Variants in WDR86 observed in about 807,000 individuals in gnomAD.
WDR86 encodes WD repeat-containing protein 86.
WDR86 carries 30 observed loss-of-function variants against 36.5 expected under a neutral mutation model. The observed-to-expected ratio is 0.82, with a 90% confidence interval of 0.61 to 1.11. WDR86 has a LOEUF of 1.11. Ranked by LOEUF, WDR86 falls within the 50% of genes most tolerant of loss-of-function variation. WDR86 has a pLI of 0.00. For synonymous variants in WDR86, 255 were observed against 252.9 expected (o/e 1.01, Z -0.08); for missense variants, 545 against 561.2 (o/e 0.97, Z 0.29).
chr7:151,393,069 G>T (rs1211888241), intron 3 of WDR86, among the ~76,000 whole-genome samples: 2 of 152,220 alleles, frequency 1.3e-5, no homozygotes, highest in African/African-American at 4.8e-5. Flanking sequence ...CAAAGGGAAA[G>T]AAAACAAAGG....
chr7:151,391,147 C>T (rs1333151978), intron 3 of WDR86, among the ~76,000 whole-genome samples: 8 of 152,200 alleles, frequency 5.3e-5, no homozygotes, highest in East Asian at 1.9e-4. Context: ...AAGGCTGTGG[C>T]GGCGATGGCC....
In WDR86 at chr7:151,381,909, C is replaced by T. The variant is rs748841593; in HGVS notation, c.935G>A (p.Arg312Gln). 26 of 1,610,364 alleles carry T rather than the reference C, an allele frequency of 1.6e-5. No individual in the cohort carries two copies. The highest frequency in any genetic ancestry group is 2.2e-5 in the East Asian group (1 of 44,678). The change falls in exon 5 of 6, where the codon CGG (arginine) becomes CAG (glutamine). Residue 312 changes from arginine to glutamine, a missense_variant. Arg to Gln is a conservative substitution (Grantham distance 43, BLOSUM62 1). Transcript: ENST00000334493. The surrounding 1 kb of genome is among the most constrained non-coding windows in gnomAD (Gnocchi z 4.8). Reference protein sequence around the residue: ...AQSGELRRVFRGHTFIINCIQ... With the variant: ...AQSGELRRVFQGHTFIINCIQ... ...GCAGTTGATGATGAATGTGTGGCCC[C>T]GGAACACCCTCCGCAGCTCTCCAGA...
chr7:151,398,260 T>C (rs1056468245), intron 2 of WDR86, among the ~76,000 whole-genome samples: 4 of 150,220 alleles, frequency 2.7e-5, no homozygotes, highest in African/African-American at 1.0e-4. Context: ...TGTGCATATG[T>C]GTGTGTAAGT....
At chr7:151,407,165 C>T (rs1250442205) in intron 1 of WDR86, among the ~76,000 whole-genome samples, 3 of 152,222 alleles carry the variant, frequency 2.0e-5, no homozygotes, top group African/African-American at 7.2e-5. Context: ...TCTTTCATTC[C>T]AGTGTCCTGC....
Position 151,400,905 on chromosome 7 carries a change from G to A in WDR86, c.164-664C>T, listed in dbSNP as rs946966884. On this transcript the variant is annotated intron_variant, in intron 1 of 5. Coordinates refer to ENST00000334493, the MANE Select transcript of WDR86 (RefSeq NM_198285.3). ...AGGGACTTTCCCCTGTAGAGAGCAC[G>A]TGCACTTTGATTTTTACCGGTCCTC... is the stretch of plus-strand genomic sequence containing the variant. 8.5e-5 allele frequency among the ~76,000 whole-genome samples: 13 copies of A among 152,202 alleles called. 1 individual carries two copies. Among genetic ancestry groups the A allele is most frequent in the Middle Eastern group, 3.2e-3 (1 of 316 alleles).
the WDR86 span, chr7:151,369,099 C>T: frequency 1.7e-5 from 7 of 412,686 alleles, no homozygotes; most frequent in African/African-American, 1.4e-4. Flanking sequence ...GCTCCGCCTC[C>T]CGGGTTCAAG....
intron 3 of WDR86, among the ~76,000 whole-genome samples, chr7:151,395,508 C>T (rs1043462617): frequency 5.9e-5 from 3 of 51,104 alleles, no homozygotes; most frequent in Admixed American, 2.4e-4. Context: ...CACACACACA[C>T]ACACACACAC....
chr7:151,400,277 G>A (rs750465497), intron 1 of WDR86, 36 bp from the exon 2 acceptor site: 11 of 1,515,742 alleles, frequency 7.3e-6, no homozygotes, highest in South Asian at 6.6e-5. Context: ...TGAGCGTACT[G>A]GGGATGCCAG....
At position 151,388,777 on chromosome 7, in the gene WDR86, T is replaced by C. The variant is rs1274959649; in HGVS notation, c.727-3554A>G. Among the ~76,000 whole-genome samples, 1 of 152,218 alleles carries C rather than the reference T, an allele frequency of 6.6e-6. No homozygotes were observed. Among genetic ancestry groups the C allele is most frequent in the African/African-American group, 2.4e-5 (1 of 41,466 alleles). On this transcript the variant is annotated intron_variant, in intron 3 of 5. Coordinates refer to ENST00000334493, the MANE Select transcript of WDR86 (RefSeq NM_198285.3). This position sits in a 1 kb window ranked among gnomAD's most constrained non-coding sequence, Gnocchi z 4.2. Reference sequence around the variant, plus strand: ...CTTTGTGGCCACCTGGTCCCCAGGCTGACGGTCGGAGGCGGGGTATATGAA... The same window carrying C: ...CTTTGTGGCCACCTGGTCCCCAGGCCGACGGTCGGAGGCGGGGTATATGAA...
At chr7:151,397,477 G>T (rs570532787) in intron 2 of WDR86, among the ~76,000 whole-genome samples, 1 of 152,222 alleles carries the variant, frequency 6.6e-6, no homozygotes, top group African/African-American at 2.4e-5. Context: ...AGGCTGGAGC[G>T]CAGTGGCACG....
chr7:151,381,391 A>C lies in WDR86; in HGVS notation c.*191T>G. 1.4e-6 allele frequency: 2 copies of C among 1,466,562 alleles called. No individual in the cohort carries two copies. The highest frequency in any genetic ancestry group is 1.8e-6 in the Non-Finnish European group (2 of 1,118,648). 90.8% of individuals were successfully genotyped at this position (1,466,562 alleles called of 1,614,324 possible). On this transcript the variant is annotated 3_prime_UTR_variant, in exon 6 of 6. Coordinates refer to ENST00000334493, the MANE Select transcript of WDR86 (RefSeq NM_198285.3). The surrounding 1 kb of genome is among the most constrained non-coding windows in gnomAD (Gnocchi z 4.8). The stretch of plus-strand genomic sequence containing the variant: ...GGAAAAGGGGGCGGTCCCCAGGGCG[A>C]GCACTCCCGCTCCCAGCGCCTCCTG...
chr7:151,381,292 G>A lies in WDR86; in HGVS notation c.*290C>T. 7.6e-7 allele frequency: 1 copy of A among 1,315,910 alleles called. No individual in the cohort carries two copies. Among genetic ancestry groups the A allele is most frequent in the Non-Finnish European group, 9.6e-7 (1 of 1,036,926 alleles). 81.5% of individuals were successfully genotyped at this position (1,315,910 alleles called of 1,614,324 possible). A position where few individuals can be genotyped will look rare whatever the true frequency, so the allele number is the denominator to read the frequency against. On this transcript the variant is annotated 3_prime_UTR_variant, in exon 6 of 6. Transcript: ENST00000334493. The surrounding 1 kb of genome is among the most constrained non-coding windows in gnomAD (Gnocchi z 4.8). Reference sequence around the variant, plus strand: ...GGGGCAGTCCGCCTGCAGCCCCTGAGGTGGGAGGGTCCCCAGGACTAGGCC... The same window carrying A: ...GGGGCAGTCCGCCTGCAGCCCCTGAAGTGGGAGGGTCCCCAGGACTAGGCC...
chr7:151,379,752 T>A (rs1355219462), downstream of WDR86, among the ~76,000 whole-genome samples: 10 of 152,180 alleles, frequency 6.6e-5, no homozygotes, highest in Admixed American at 6.5e-4. Flanking sequence ...GATGGCTTGA[T>A]GCATGCTCCA....
rs186120957 is a variant in WDR86, at chr7:151,388,219, G to C, written c.727-2996C>G. ...TCTCTGGCTGGATTTGAAATGCTTC[G>C]TTTCTTTAAAATCACAATGTTGCTA... On this transcript the variant is annotated intron_variant, in intron 3 of 5. Coordinates refer to ENST00000334493, the MANE Select transcript of WDR86 (RefSeq NM_198285.3). The surrounding 1 kb of genome is among the most constrained non-coding windows in gnomAD (Gnocchi z 4.2). 1.3e-5 allele frequency among the ~76,000 whole-genome samples: 2 copies of C among 152,228 alleles called. No individual in the cohort carries two copies. Among genetic ancestry groups the C allele is most frequent in the African/African-American group, 4.8e-5 (2 of 41,464 alleles).
chr7:151,409,392 G>T lies in WDR86; in HGVS notation c.163+35C>A, dbSNP rs200698804. ...CCGCGGTCTGGGGCCGGTGAGCTGC[G>T]GCGAAGAGGTCAGGGAGGGAGTGGG... On this transcript the variant is annotated intron_variant, in intron 1 of 5. Coordinates refer to ENST00000334493, the MANE Select transcript of WDR86 (RefSeq NM_198285.3). This position sits in a 1 kb window ranked among gnomAD's most constrained non-coding sequence, Gnocchi z 5.2. The T allele has an allele frequency of 2.9e-4, 452 of 1,552,430 alleles. 1 individual carries two copies. The East Asian group carries it at 9.2e-3, about 32-fold the overall frequency.
intron 2 of WDR86, among the ~76,000 whole-genome samples, chr7:151,398,910 C>T (rs375207973): frequency 6.6e-6 from 1 of 152,166 alleles, no homozygotes. Context: ...CACAGGAGGG[C>T]GCTCCCCCAG....
intron 1 of WDR86, among the ~76,000 whole-genome samples, chr7:151,403,213 G>C (rs1012802866): frequency 1.3e-5 from 2 of 152,068 alleles, no homozygotes; most frequent in African/African-American, 4.8e-5. Flanking sequence ...TTTTTCATCT[G>C]TGGTTAGACG....
At chr7:151,380,060 AC>A (rs1448980022), downstream of WDR86, among the ~76,000 whole-genome samples, 1 of 152,044 alleles carries the variant, frequency 6.6e-6, no homozygotes, top group African/African-American at 2.4e-5. Flanking sequence ...AGACCTGGCC[AC>A]CCCCGAGGTC....
chr7:151,400,030 C>T, intron 2 of WDR86, 70 bp downstream of exon 2: 1 of 1,406,728 alleles, frequency 7.1e-7, no homozygotes, highest in Non-Finnish European at 9.4e-7. Flanking sequence ...GGGCCCATAT[C>T]TCTGACCCCT....
Sources: gnomAD v4.1 joint callset for allele counts (sites outside exome capture counted in the v4.1 genomes callset) on GRCh38, gnomAD v4.1.1 for gene constraint, Gnocchi (gnomAD v3.1) non-coding constraint, MANE v1.5 for transcripts, NCBI Gene and HGNC (gene_info 2026-07-23, HGNC 2026-07-21) for gene names.